Variants in USP32 observed in about 807,000 individuals in gnomAD.
USP32 encodes ubiquitin carboxyl-terminal hydrolase 32.
USP32 carries 59 observed loss-of-function variants against 204.8 expected under a neutral mutation model. That is an observed-to-expected ratio of 0.29 (90% confidence interval 0.23 to 0.36). The LOEUF is 0.36. Among genes scored for constraint, USP32 ranks in the 10% least tolerant of loss-of-function variants. USP32 has a pLI of 1.00. For synonymous variants in USP32, 517 were observed against 678.4 expected, an observed-to-expected ratio of 0.76 and a Z score of 3.70; for missense variants, 1,160 against 1,946.4, an observed-to-expected ratio of 0.60 and a Z score of 7.60.
intron 2 of USP32, among the ~76,000 whole-genome samples, chr17:60,311,440 A>C (rs1312252919): frequency 1.3e-5 from 2 of 152,216 alleles, no homozygotes; most frequent in African/African-American, 4.8e-5. Flanking sequence ...TTAACTCTGA[A>C]GAGAGGGAAA....
intron 11 of USP32, among the ~76,000 whole-genome samples, chr17:60,246,358 C>T (rs2086024200): frequency 6.6e-6 from 1 of 151,710 alleles, no homozygotes; most frequent in African/African-American, 2.4e-5. Context: ...GGATTGCATT[C>T]ATTTTATGGC....
intron 9 of USP32, 66 bp downstream of exon 9, chr17:60,265,346 C>T (rs1394816524): frequency 5.6e-5 from 63 of 1,122,574 alleles, no homozygotes; most frequent in Admixed American, 7.9e-5. Flanking sequence ...TGTATATAAG[C>T]GATACATCCC....
At chr17:60,284,180 T>C (rs1453432994) in intron 5 of USP32, among the ~76,000 whole-genome samples, 1 of 151,764 alleles carries the variant, frequency 6.6e-6, no homozygotes, top group African/African-American at 2.4e-5. Context: ...TGTACAGGAA[T>C]ATTTGTTTCA....
intron 21 of USP32, among the ~76,000 whole-genome samples, chr17:60,209,937 T>A (rs904033042): frequency 4.6e-5 from 7 of 152,024 alleles, no homozygotes; most frequent in Admixed American, 2.0e-4. Flanking sequence ...AGGTACATAG[T>A]ATATACATAA....
intron 31 of USP32, 138 bp downstream of exon 31, chr17:60,183,027 G>A: frequency 8.0e-7 from 1 of 1,243,200 alleles, no homozygotes; most frequent in Non-Finnish European, 1.1e-6. Flanking sequence ...AACTTACATA[G>A]CTCAAATACA....
In USP32 at chr17:60,281,501, G is replaced by A. The variant is rs145928074; in HGVS notation, c.571+7022C>T. 2.2e-3 allele frequency among the ~76,000 whole-genome samples: 332 copies of A among 150,634 alleles called. 1 individual carries two copies. The highest frequency in any genetic ancestry group is 7.6e-3 in the African/African-American group (311 of 40,860). ...TGCAGTGAGCTGAGATCATGCCACT[G>A]CACTCCAGCCTGGGCAAGAGTGAGA... On this transcript the variant is annotated intron_variant, in intron 5 of 33. Transcript: ENST00000300896.
At chr17:60,198,721 G>C (rs1189207617) in intron 26 of USP32, among the ~76,000 whole-genome samples, 1 of 152,204 alleles carries the variant, frequency 6.6e-6, no homozygotes, top group Non-Finnish European at 1.5e-5. Context: ...AGTTTTCTCT[G>C]ATAAACATTT....
intron 29 of USP32, among the ~76,000 whole-genome samples, chr17:60,190,133 G>A (rs1276719273): frequency 6.6e-6 from 1 of 152,152 alleles, no homozygotes; most frequent in Admixed American, 6.5e-5. Flanking sequence ...AGAGCGGGCT[G>A]TTAGAAAGCG....
intron 9 of USP32, among the ~76,000 whole-genome samples, chr17:60,255,736 C>T (rs1706777822): frequency 6.6e-6 from 1 of 152,198 alleles, no homozygotes. Flanking sequence ...TGTGGTAATG[C>T]AAACATATAT....
chr17:60,385,816 CT>C (rs1284052701), intron 1 of USP32, among the ~76,000 whole-genome samples: 1 of 149,616 alleles, frequency 6.7e-6, no homozygotes, highest in Non-Finnish European at 1.5e-5. Flanking sequence ...GCACTCCAGC[CT>C]GAGCAATAGA....
Position 60,182,894 on chromosome 17 carries a change from C to T in USP32, c.4123+271G>A, listed in dbSNP as rs554864236. On this transcript the variant is annotated intron_variant, in intron 31 of 33. Coordinates refer to ENST00000300896, the MANE Select transcript of USP32 (RefSeq NM_032582.4). ...GACAGCAGCTACCATTCCTGTTTACCGTATATCAGGCACTGTGTGAAGTGC... is the reference window on the plus strand; with the variant it reads ...GACAGCAGCTACCATTCCTGTTTACTGTATATCAGGCACTGTGTGAAGTGC... Among the ~76,000 whole-genome samples the T allele has an allele frequency of 1.5e-4, 23 of 152,252 alleles. 1 individual carries two copies. The East Asian group carries it at 3.1e-3, about 20-fold the overall frequency.
chr17:60,288,391 G>T, intron 5 of USP32, 132 bp downstream of exon 5: 1 of 1,093,380 alleles, frequency 9.1e-7, no homozygotes, highest in Non-Finnish European at 1.3e-6. Context: ...CGTAAGCCAC[G>T]ATGGTGCCAC....
intron 9 of USP32, chr17:60,256,677 A>C: frequency 3.6e-6 from 4 of 1,099,228 alleles, no homozygotes; most frequent in Non-Finnish European, 4.5e-6. Flanking sequence ...GTAGTGTGGT[A>C]TCTGTTGCTG....
chr17:60,259,161 G>A (rs987584504), intron 9 of USP32, among the ~76,000 whole-genome samples: 3 of 152,042 alleles, frequency 2.0e-5, no homozygotes, highest in Non-Finnish European at 2.9e-5. Flanking sequence ...CACATTTTAT[G>A]GTAAGTAGCA....
intron 6 of USP32, among the ~76,000 whole-genome samples, chr17:60,269,942 C>G (rs1253990359): frequency 6.6e-6 from 1 of 152,040 alleles, no homozygotes; most frequent in Non-Finnish European, 1.5e-5. Context: ...GAAAGAAAAA[C>G]TGAACTGCTT....
At chr17:60,255,288 T>C in intron 9 of USP32, 30 bp from the exon 10 acceptor site, 2 of 1,392,622 alleles carry the variant, frequency 1.4e-6, no homozygotes, top group Non-Finnish European at 9.8e-7. Context: ...GTTAGGAACA[T>C]CTTTTTTTTC....
intron 9 of USP32, chr17:60,256,908 T>TA: frequency 2.4e-6 from 1 of 412,078 alleles, no homozygotes; most frequent in Non-Finnish European, 4.5e-6. Flanking sequence ...TCCCATAGAA[T>TA]AAAAAACACT....
chr17:60,252,352 C>T (rs770681490), intron 11 of USP32, 29 bp downstream of exon 11: 8 of 1,563,846 alleles, frequency 5.1e-6, no homozygotes, highest in Non-Finnish European at 7.0e-6. Context: ...TGTGAAATTT[C>T]AACTATATAA....
intron 1 of USP32, among the ~76,000 whole-genome samples, chr17:60,369,825 A>C (rs2089402618): frequency 6.6e-6 from 1 of 151,564 alleles, no homozygotes; most frequent in African/African-American, 2.4e-5. Context: ...GCAGACTTGA[A>C]CTCCCTGGCT....
Sources: gnomAD v4.1 joint callset for allele counts (sites outside exome capture counted in the v4.1 genomes callset) on GRCh38, gnomAD v4.1.1 for gene constraint, MANE v1.5 for transcripts, NCBI Gene and HGNC (gene_info 2026-07-23, HGNC 2026-07-21) for gene names.